The following PABPC4L variants were observed in gnomAD, a reference collection of about 807,000 sequenced individuals.
PABPC4L encodes poly(A) binding protein cytoplasmic 4 like, also known as polyadenylate-binding protein 4-like.
For synonymous variants in PABPC4L, 169 were observed against 164.1 expected, an observed-to-expected ratio of 1.03 and a Z score of -0.23; for missense variants, 452 against 451.4, an observed-to-expected ratio of 1.00 and a Z score of -0.01.
the PABPC4L span, among the ~76,000 whole-genome samples, chr4:134,143,178 A>T: frequency 6.6e-6 from 1 of 151,156 alleles, no homozygotes; most frequent in Non-Finnish European, 1.5e-5. Flanking sequence ...GCTCTATTGT[A>T]CTATTTTACT....
At chr4:134,157,844 G>A in the PABPC4L span, among the ~76,000 whole-genome samples, 2 of 151,626 alleles carry the variant, frequency 1.3e-5, no homozygotes, top group African/African-American at 4.8e-5. Context: ...TCTTTCTACT[G>A]GTGATTTAAG....
At chr4:134,195,970 C>T (rs771976213), downstream of PABPC4L, among the ~76,000 whole-genome samples, 117 of 150,310 alleles carry the variant, frequency 7.8e-4, no homozygotes, top group Non-Finnish European at 1.4e-3. Flanking sequence ...TATATTTTTA[C>T]TCTATTGTTT....
At chr4:134,056,999 G>T in the PABPC4L span, among the ~76,000 whole-genome samples, 2 of 152,032 alleles carry the variant, frequency 1.3e-5, no homozygotes, top group Admixed American at 1.3e-4. Flanking sequence ...TCATCATTAA[G>T]TATAACATTA....
chr4:134,067,343 AT>A, the PABPC4L span, among the ~76,000 whole-genome samples: 1 of 151,844 alleles, frequency 6.6e-6, no homozygotes, highest in Non-Finnish European at 1.5e-5. Flanking sequence ...TTGTCTCAGG[AT>A]TTTTTGTATT....
chr4:134,109,123 A>G, the PABPC4L span, among the ~76,000 whole-genome samples: 1 of 152,012 alleles, frequency 6.6e-6, no homozygotes, highest in Non-Finnish European at 1.5e-5. Flanking sequence ...AATGCTTTTC[A>G]TATGGAAATA....
At chr4:134,131,587 T>C in the PABPC4L span, among the ~76,000 whole-genome samples, 1 of 151,014 alleles carries the variant, frequency 6.6e-6, no homozygotes, top group Non-Finnish European at 1.5e-5. Flanking sequence ...CATGGATGGG[T>C]AGAATCAATA....
chr4:134,044,394 G>T, the PABPC4L span, among the ~76,000 whole-genome samples: 1 of 152,064 alleles, frequency 6.6e-6, no homozygotes, highest in East Asian at 1.9e-4. Flanking sequence ...CTCCTGAGTA[G>T]CTGGGACTAC....
the PABPC4L span, among the ~76,000 whole-genome samples, chr4:134,009,357 T>C: frequency 6.6e-6 from 1 of 152,002 alleles, no homozygotes; most frequent in Non-Finnish European, 1.5e-5. Flanking sequence ...TTCCCTTGTT[T>C]GTGGACTATA....
chr4:133,995,117 C>T, the PABPC4L span, among the ~76,000 whole-genome samples: 2 of 152,312 alleles, frequency 1.3e-5, no homozygotes, highest in East Asian at 3.9e-4. Context: ...GCCAGCCCCT[C>T]ATGAAGTTTC....
chr4:134,102,882 A>G, the PABPC4L span, among the ~76,000 whole-genome samples: 5 of 151,528 alleles, frequency 3.3e-5, no homozygotes, highest in African/African-American at 4.8e-5. Context: ...TTTTCTACCT[A>G]TATGGATGTA....
the PABPC4L span, among the ~76,000 whole-genome samples, chr4:134,002,907 A>C: frequency 6.6e-6 from 1 of 152,030 alleles, no homozygotes; most frequent in African/African-American, 2.4e-5. Flanking sequence ...AAATTGAATC[A>C]TCTATGGAAC....
chr4:134,120,902 T>A, the PABPC4L span, among the ~76,000 whole-genome samples: 1 of 151,408 alleles, frequency 6.6e-6, no homozygotes, highest in East Asian at 1.9e-4. Context: ...TTTTTTAAAT[T>A]GTTTTTCTCC....
At chr4:134,166,818 G>A in the PABPC4L span, among the ~76,000 whole-genome samples, 1 of 152,222 alleles carries the variant, frequency 6.6e-6, no homozygotes, top group South Asian at 2.1e-4. Flanking sequence ...TGTTCTATAT[G>A]CCTCATGCCC....
chr4:134,008,735 C>CT, the PABPC4L span, among the ~76,000 whole-genome samples: 2 of 151,596 alleles, frequency 1.3e-5, no homozygotes, highest in African/African-American at 4.8e-5. Flanking sequence ...GTGTTGTTTT[C>CT]TTTTTTTCTT....
chr4:134,154,667 T>C, the PABPC4L span, among the ~76,000 whole-genome samples: 1 of 152,076 alleles, frequency 6.6e-6, no homozygotes, highest in African/African-American at 2.4e-5. Context: ...GTTCATCATA[T>C]TAATATTTTG....
the PABPC4L span, among the ~76,000 whole-genome samples, chr4:134,044,338 A>T: frequency 6.6e-6 from 1 of 152,114 alleles, no homozygotes; most frequent in Non-Finnish European, 1.5e-5. Context: ...ATCTCGGCTC[A>T]CTGCAAGCTC....
At position 134,196,370 on chromosome 4, in the gene PABPC4L, C is replaced by G. The variant is rs1293478597; in HGVS notation, c.*3537G>C. 6.6e-6 allele frequency: 1 copy of G among 151,530 alleles called. No individual in the cohort carries two copies. Among genetic ancestry groups the G allele is most frequent in the Non-Finnish European group, 1.5e-5 (1 of 67,614 alleles). The allele number at this position is 151,530 out of a possible 1,614,324, so 9.4% of individuals were successfully genotyped here. On this transcript the variant is annotated 3_prime_UTR_variant, in exon 2 of 2. Transcript: ENST00000421491. Reference sequence around the variant, plus strand: ...AATATTAGATTTTATTTGACATTTTCTCAGTGGATCTATAACAATATTGAG... The same window carrying G: ...AATATTAGATTTTATTTGACATTTTGTCAGTGGATCTATAACAATATTGAG...
chr4:134,195,891 C>A (rs1490092098), downstream of PABPC4L, among the ~76,000 whole-genome samples: 1 of 151,576 alleles, frequency 6.6e-6, no homozygotes, highest in Non-Finnish European at 1.5e-5. Context: ...TTGGGAGATA[C>A]ATATATGTCA....
chr4:134,017,530 C>A, the PABPC4L span, among the ~76,000 whole-genome samples: 6 of 152,158 alleles, frequency 3.9e-5, no homozygotes, highest in Non-Finnish European at 7.4e-5. Flanking sequence ...GCTGATACCT[C>A]CTGGTGCTAT....
Sources: gnomAD v4.1 joint callset for allele counts (sites outside exome capture counted in the v4.1 genomes callset) on GRCh38, gnomAD v4.1.1 for gene constraint, MANE v1.5 for transcripts, NCBI Gene and HGNC (gene_info 2026-07-23, HGNC 2026-07-21) for gene names.